The following CACNA2D1 variants were observed in gnomAD, a reference collection of about 807,000 sequenced individuals.
CACNA2D1 encodes the protein calcium voltage-gated channel auxiliary subunit alpha2delta 1.
CACNA2D1 carries 53 observed loss-of-function variants against 171.5 expected under a neutral mutation model. The ratio of observed to expected loss-of-function variants is 0.31; its 90% CI spans 0.25 to 0.39. The LOEUF is 0.39. CACNA2D1 is among the 10% of genes least tolerant of loss of function. The pLI is 1.00. For synonymous variants in CACNA2D1, 442 were observed against 443.1 expected, an observed-to-expected ratio of 1.00 and a Z score of 0.03; for missense variants, 903 against 1,299.8, an observed-to-expected ratio of 0.69 and a Z score of 4.69.
intron 1 of CACNA2D1, among the ~76,000 whole-genome samples, chr7:82,439,621 T>G (rs1233895295): frequency 2.0e-5 from 3 of 151,522 alleles, no homozygotes; most frequent in African/African-American, 7.2e-5. Context: ...TTATATCCAT[T>G]TCAGTCTGCT....
Position 81,983,321 on chromosome 7 carries a change from T to C in CACNA2D1, c.1887A>G (p.Lys629=), listed in dbSNP as rs143995526. The C allele has an allele frequency of 1.1e-5, 17 of 1,611,370 alleles. No homozygotes were observed. In the African/African-American group the frequency reaches 2.3e-4, roughly 22 times the overall value. The part of the protein sequence containing the change: ...TITQARSKKG[K]MKDSETLKPD... ...CAACAAGAAAATACTTGCCCTTCAT[T>C]TTGCCCTTTTTTGCTGTGAAAATCC... The change falls in exon 23 of 39, where the codon AAA becomes AAG. Residue 629 remains lysine, a synonymous_variant. Transcript: ENST00000356860.
At chr7:82,192,614 T>G (rs1798448245) in intron 3 of CACNA2D1, among the ~76,000 whole-genome samples, 1 of 151,388 alleles carries the variant, frequency 6.6e-6, no homozygotes, top group Non-Finnish European at 1.5e-5. Context: ...AAATTAAGAA[T>G]TCAAGATGTG....
chr7:82,106,008 C>T (rs1787717089), intron 6 of CACNA2D1, among the ~76,000 whole-genome samples: 1 of 152,104 alleles, frequency 6.6e-6, no homozygotes, highest in Non-Finnish European at 1.5e-5. Context: ...CTAAAATTTA[C>T]ATATAACTTC....
chr7:82,332,747 C>T (rs990844307), intron 3 of CACNA2D1, among the ~76,000 whole-genome samples: 1 of 152,168 alleles, frequency 6.6e-6, no homozygotes, highest in African/African-American at 2.4e-5. Flanking sequence ...TGCCTGAAAT[C>T]CCAGCACTTT....
intron 6 of CACNA2D1, among the ~76,000 whole-genome samples, chr7:82,106,777 G>C (rs1313037938): frequency 6.6e-6 from 1 of 152,066 alleles, no homozygotes; most frequent in African/African-American, 2.4e-5. Context: ...GCTCTGAGAA[G>C]TACTTGTGGA....
intron 10 of CACNA2D1, among the ~76,000 whole-genome samples, chr7:82,039,684 G>A (rs1189895409): frequency 6.6e-6 from 1 of 152,170 alleles, no homozygotes; most frequent in East Asian, 1.9e-4. Context: ...ACATTTGAAA[G>A]AAAATTCTCC....
At chr7:82,076,765 C>A (rs188251571) in intron 7 of CACNA2D1, among the ~76,000 whole-genome samples, 2 of 152,074 alleles carry the variant, frequency 1.3e-5, no homozygotes, top group Admixed American at 6.6e-5. Flanking sequence ...ACATTCAAGG[C>A]GACATATTCT....
intron 4 of CACNA2D1, among the ~76,000 whole-genome samples, chr7:82,141,118 T>A (rs1792332836): frequency 6.6e-6 from 1 of 152,132 alleles, no homozygotes; most frequent in Admixed American, 6.5e-5. Flanking sequence ...TTTAAAGCTA[T>A]CTTTTTGCTA....
chr7:81,958,097 T>TA (rs548452376), intron 38 of CACNA2D1, among the ~76,000 whole-genome samples: 36 of 149,994 alleles, frequency 2.4e-4, no homozygotes, highest in Admixed American at 6.0e-4. Flanking sequence ...TAATATATCT[T>TA]AAAAAGAAAA....
At chr7:82,101,153 A>T (rs1563049472) in intron 6 of CACNA2D1, among the ~76,000 whole-genome samples, 1 of 152,154 alleles carries the variant, frequency 6.6e-6, no homozygotes, top group Non-Finnish European at 1.5e-5. Context: ...ACACACTAAC[A>T]TAAAATGAAA....
chr7:82,401,516 T>G (rs977683974), intron 1 of CACNA2D1, among the ~76,000 whole-genome samples: 14 of 135,862 alleles, frequency 1.0e-4, no homozygotes, highest in Non-Finnish European at 1.7e-4. Flanking sequence ...TGAGATCACA[T>G]GGACACAGGA....
At chr7:82,008,583 C>G (rs73705438) in intron 15 of CACNA2D1, among the ~76,000 whole-genome samples, 2,480 of 152,160 alleles carry the variant, frequency 0.016, 68 homozygotes, top group African/African-American at 0.057. Flanking sequence ...CATTTCATGT[C>G]AAAACTACAT....
At chr7:82,419,927 T>C (rs571038298) in intron 1 of CACNA2D1, among the ~76,000 whole-genome samples, 9 of 152,186 alleles carry the variant, frequency 5.9e-5, no homozygotes, top group Non-Finnish European at 1.0e-4. Context: ...TTTATTGTCA[T>C]GACTTGAGGA....
chr7:82,047,409 T>C (rs191176513), intron 10 of CACNA2D1, among the ~76,000 whole-genome samples: 11 of 152,224 alleles, frequency 7.2e-5, no homozygotes, highest in African/African-American at 2.6e-4. Context: ...AATTCCCTAG[T>C]TGAAAAATAA....
At chr7:82,300,691 T>A (rs1321226158) in intron 3 of CACNA2D1, among the ~76,000 whole-genome samples, 4 of 152,110 alleles carry the variant, frequency 2.6e-5, no homozygotes, top group Non-Finnish European at 5.9e-5. Context: ...ATTAGAATAC[T>A]TAGAATAGTG....
chr7:82,011,478 A>G lies in CACNA2D1; in HGVS notation c.1362+676T>C, dbSNP rs916026692. Among the ~76,000 whole-genome samples the G allele has an allele frequency of 3.9e-5, 6 of 152,226 alleles. No homozygotes were observed. In the South Asian group the frequency reaches 1.2e-3, roughly 32 times the overall value. On this transcript the variant is annotated intron_variant, in intron 15 of 38. Transcript: ENST00000356860. ...GGGGCAAAAAGACCCCCTTGTTGAGAACCACTGCTTTTAAATATAATGACA... is the reference window on the plus strand; with the variant it reads ...GGGGCAAAAAGACCCCCTTGTTGAGGACCACTGCTTTTAAATATAATGACA...
At position 82,348,848 on chromosome 7, in the gene CACNA2D1, A is replaced by T. The variant is rs1819545869; in HGVS notation, c.177+720T>A. On this transcript the variant is annotated intron_variant, in intron 2 of 38. Coordinates refer to ENST00000356860, the MANE Select transcript of CACNA2D1 (RefSeq NM_000722.4). ...GAATATTTTCAAATGTATTATTTACATTGAAACGAAAGTAGTGGGGCCCTT... is the reference window on the plus strand; with the variant it reads ...GAATATTTTCAAATGTATTATTTACTTTGAAACGAAAGTAGTGGGGCCCTT... Among the ~76,000 whole-genome samples the T allele has an allele frequency of 2.6e-5, 4 of 152,198 alleles. No homozygotes were observed. The South Asian group carries it at 8.3e-4, about 32-fold the overall frequency.
intron 6 of CACNA2D1, among the ~76,000 whole-genome samples, chr7:82,105,063 C>T (rs533076378): frequency 6.6e-6 from 1 of 151,836 alleles, no homozygotes; most frequent in Non-Finnish European, 1.5e-5. Flanking sequence ...AGAATTAAGT[C>T]CGATGAAAAA....
chr7:82,124,477 C>T (rs1790100395), intron 5 of CACNA2D1, among the ~76,000 whole-genome samples: 1 of 152,152 alleles, frequency 6.6e-6, no homozygotes, highest in Non-Finnish European at 1.5e-5. Flanking sequence ...GCCAATCAGA[C>T]TGACTGCAGG....
Sources: allele counts gnomAD v4.1 joint callset (sites outside exome capture counted in the v4.1 genomes callset), GRCh38; gene constraint gnomAD v4.1.1; transcripts MANE v1.5; gene names NCBI Gene and HGNC (gene_info 2026-07-23, HGNC 2026-07-21).